MAP3K15: variants seen among roughly 807,000 people sequenced by gnomAD.
MAP3K15 encodes the protein mitogen-activated protein kinase kinase kinase 15.
A neutral mutation model predicts 99.5 loss-of-function variants in MAP3K15; 124 were observed. The observed-to-expected ratio is 1.25, with a 90% CI of 1.08 to 1.45. The LOEUF (loss-of-function observed/expected upper bound fraction) is 1.45, where lower values mean the gene tolerates loss of function less well. Ranked by LOEUF, MAP3K15 falls within the 40% of genes most tolerant of loss-of-function variation. MAP3K15 has a pLI of 0.00. For missense variants in MAP3K15, 1,242 were observed against 1,079.7 expected (o/e 1.15, Z -2.11); for synonymous variants, 494 against 439.6 (o/e 1.12, Z -1.55).
intron 9 of MAP3K15, among the ~76,000 whole-genome samples, chrX:19,416,526 T>C (rs1362133206): frequency 9.0e-6 from 1 of 111,559 alleles, no homozygotes; most frequent in African/African-American, 3.3e-5. Flanking sequence ...GTGCCACTAG[T>C]GATACTGGAA....
At chrX:19,466,350 G>A (rs978049929) in intron 3 of MAP3K15, among the ~76,000 whole-genome samples, 7 of 111,698 alleles carry the variant, frequency 6.3e-5, no homozygotes, top group Non-Finnish European at 9.4e-5. Context: ...ATCCCCATGT[G>A]TCAAGGTAGA....
chrX:19,372,420 C>A (rs1350344290), intron 22 of MAP3K15, among the ~76,000 whole-genome samples: 2 of 112,350 alleles, frequency 1.8e-5, no homozygotes, highest in Non-Finnish European at 3.8e-5. Flanking sequence ...CCCACCAGTG[C>A]CTGGAATCAC....
chrX:19,361,658 G>T, intron 26 of MAP3K15, 65 bp from the exon 27 acceptor site: 1 of 765,980 alleles, frequency 1.3e-6, no homozygotes, highest in South Asian at 2.3e-5. Flanking sequence ...GTAACCAGTT[G>T]GATTAATAAA....
intron 25 of MAP3K15, among the ~76,000 whole-genome samples, chrX:19,366,086 T>G (rs1460797532): frequency 9.3e-6 from 1 of 107,031 alleles, no homozygotes; most frequent in Non-Finnish European, 1.9e-5. Context: ...AGTAGAGAGA[T>G]GAGAACACAG....
chrX:19,408,827 A>G (rs1472988629), intron 12 of MAP3K15, among the ~76,000 whole-genome samples: 1 of 111,359 alleles, frequency 9.0e-6, no homozygotes, highest in Non-Finnish European at 1.9e-5. Context: ...TTCTTGAGCT[A>G]CAGTGCCGTG....
rs771801157 is a variant in MAP3K15 at position 19,395,150 on chromosome X, T to C, written c.2125A>G (p.Ile709Val). 5.8e-6 allele frequency: 7 copies of C among 1,208,806 alleles called. No individual in the cohort carries two copies. In the Admixed American group the frequency reaches 1.3e-4, roughly 23 times the overall value. ...GAAACAGAGCCCAGGTACTGAACGA[T>C]ATTGCGGTGCTTAAGGTACTTGTGC... ...ALHKYLKHRN[I>V]VQYLGSVSEN... Residue 709 changes from isoleucine to valine, a missense_variant, in exon 16 of 29, where the codon ATC (isoleucine) becomes GTC (valine). By Grantham distance (29) the Ile-to-Val change is conservative. Coordinates refer to ENST00000338883, the MANE Select transcript of MAP3K15 (RefSeq NM_001001671.4).
chrX:19,459,620 C>T (rs1218394122), intron 5 of MAP3K15, among the ~76,000 whole-genome samples: 1 of 112,287 alleles, frequency 8.9e-6, no homozygotes, highest in Non-Finnish European at 1.9e-5. Context: ...GAGGCCGAGG[C>T]GGGTGGATCA....
intron 18 of MAP3K15, among the ~76,000 whole-genome samples, chrX:19,384,763 A>C (rs1276154373): frequency 9.7e-6 from 1 of 103,135 alleles, no homozygotes; most frequent in Non-Finnish European, 2.0e-5. Flanking sequence ...AAAAAAAAAA[A>C]AAAAAAAAAA....
At chrX:19,424,215 T>C (rs996431515) in intron 9 of MAP3K15, among the ~76,000 whole-genome samples, 3 of 104,279 alleles carry the variant, frequency 2.9e-5, no homozygotes, top group African/African-American at 3.9e-5. Context: ...CACACATATA[T>C]ACACACATAT....
chrX:19,461,462 A>G (rs1280886234), intron 4 of MAP3K15, among the ~76,000 whole-genome samples: 1 of 112,715 alleles, frequency 8.9e-6, no homozygotes, highest in Non-Finnish European at 1.9e-5. Flanking sequence ...AGCACGAGGA[A>G]GCTTAAAAAC....
chrX:19,414,588 G>A (rs770422042), intron 10 of MAP3K15, among the ~76,000 whole-genome samples: 1 of 112,348 alleles, frequency 8.9e-6, no homozygotes, highest in East Asian at 2.8e-4. Flanking sequence ...TGCCTTTTTG[G>A]TAACTTTTAA....
At chrX:19,422,895 G>A (rs1355232449) in intron 9 of MAP3K15, among the ~76,000 whole-genome samples, 2 of 110,506 alleles carry the variant, frequency 1.8e-5, no homozygotes, top group African/African-American at 6.6e-5. Context: ...GGATGAAGCT[G>A]GAAACCATCA....
intron 1 of MAP3K15, among the ~76,000 whole-genome samples, chrX:19,499,856 A>G (rs771429285): frequency 1.8e-5 from 2 of 112,326 alleles, no homozygotes; most frequent in Admixed American, 9.5e-5. Flanking sequence ...CTATATTGCG[A>G]TGGGGGTTGC....
At chrX:19,462,470 C>A (rs927362774) in intron 4 of MAP3K15, among the ~76,000 whole-genome samples, 8 of 112,085 alleles carry the variant, frequency 7.1e-5, no homozygotes, top group African/African-American at 2.6e-4. Context: ...TATAAAGGCA[C>A]TGAAGCTATT....
At chrX:19,410,893 C>T (rs767330268) in intron 11 of MAP3K15, among the ~76,000 whole-genome samples, 8 of 111,280 alleles carry the variant, frequency 7.2e-5, no homozygotes, top group African/African-American at 9.8e-5. Context: ...TAGGAAAATC[C>T]ATTTGGGCCA....
chrX:19,394,053 C>A (rs769854091), intron 16 of MAP3K15, among the ~76,000 whole-genome samples: 1 of 108,255 alleles, frequency 9.2e-6, no homozygotes, highest in Non-Finnish European at 1.9e-5. Flanking sequence ...GGATTACAGG[C>A]GTGACCACTG....
At chrX:19,429,123 A>T (rs780766802) in intron 7 of MAP3K15, among the ~76,000 whole-genome samples, 1 of 111,535 alleles carries the variant, frequency 9.0e-6, no homozygotes, top group South Asian at 3.8e-4. Context: ...AAACAAGGCT[A>T]GAGGTAGGTT....
chrX:19,413,665 G>A (rs1193749818), intron 10 of MAP3K15, among the ~76,000 whole-genome samples: 4 of 66,721 alleles, frequency 6.0e-5, no homozygotes, highest in Admixed American at 4.4e-4. Context: ...AACATATTGA[G>A]ATGCCATCTC....
intron 5 of MAP3K15, among the ~76,000 whole-genome samples, chrX:19,459,346 G>A (rs2064115224): frequency 9.0e-6 from 1 of 111,712 alleles, no homozygotes; most frequent in Non-Finnish European, 1.9e-5. Context: ...AATGAATTCA[G>A]GTTTGTCAAA....
Sources: gnomAD v4.1 joint callset for allele counts (sites outside exome capture counted in the v4.1 genomes callset) on GRCh38, gnomAD v4.1.1 for gene constraint, MANE v1.5 for transcripts, NCBI Gene and HGNC (gene_info 2026-07-23, HGNC 2026-07-21) for gene names.